BMX: variants seen among roughly 807,000 people sequenced by gnomAD.
The protein encoded by BMX is cytoplasmic tyrosine-protein kinase BMX.
BMX carries 31 observed loss-of-function variants against 59.2 expected under a neutral mutation model. That is an observed-to-expected ratio of 0.52 (90% confidence interval 0.39 to 0.71). The LOEUF (loss-of-function observed/expected upper bound fraction) is 0.71, where lower values mean the gene tolerates loss of function less well. Ranked by LOEUF, BMX falls within the 30% of genes least tolerant of loss-of-function variation. The probability of loss-of-function intolerance (pLI) is 0.00; values close to 1 mark genes in which losing one functional copy is unlikely to be tolerated. For missense variants in BMX, 474 were observed against 491.7 expected (o/e 0.96, Z 0.34); for synonymous variants, 185 against 181.0 (o/e 1.02, Z -0.18).
At position 15,537,852 on chromosome X, in the gene BMX, T is replaced by A. The variant is rs759038198; in HGVS notation, c.1394+547T>A. Among the ~76,000 whole-genome samples, 172 of 111,167 alleles carry A rather than the reference T, an allele frequency of 1.5e-3. 1 individual carries two copies. Among genetic ancestry groups the A allele is most frequent in the African/African-American group, 5.4e-3 (165 of 30,592 alleles). On this transcript the variant is annotated intron_variant, in intron 14 of 18. Transcript: ENST00000348343. ...GGGTGATTTCAGAGTCCTGGTGCTCTAAGGGTGGCAGAGAAAGGGACATAT... is the reference window on the plus strand; with the variant it reads ...GGGTGATTTCAGAGTCCTGGTGCTCAAAGGGTGGCAGAGAAAGGGACATAT...
rs1034065641 is a variant in BMX, at chrX:15,546,828, A to C, written c.1702A>C (p.Ser568Arg). The C allele has an allele frequency of 5.0e-6, 6 of 1,210,325 alleles. No homozygotes were observed. The highest frequency in any genetic ancestry group is 6.7e-6 in the Non-Finnish European group (6 of 894,458). The change falls in exon 17 of 19, where the codon AGT becomes CGT. Residue 568 changes from serine (S) to arginine (R), a missense_variant. Transcript: ENST00000348343. The part of the protein sequence containing the change: ...TRYVLDDQYV[S>R]SVGTKFPVKW... ...GTATGTTCTTGATGACCAGTATGTC[A>C]GTTCAGTCGGAACAAAGTTTCCAGT...
chrX:15,507,326 G>A, intron 1 of BMX: 1 of 754,484 alleles, frequency 1.3e-6, no homozygotes, highest in Non-Finnish European at 1.6e-6. Flanking sequence ...GAGTGATGGT[G>A]CCTCAAAGCA....
At chrX:15,553,216 A>T (rs1188685907) in intron 18 of BMX, among the ~76,000 whole-genome samples, 1 of 112,319 alleles carries the variant, frequency 8.9e-6, no homozygotes, top group Non-Finnish European at 1.9e-5. Flanking sequence ...GGATTGGCAT[A>T]TGTGTTCACA....
At chrX:15,554,952 T>C (rs1926357661) in intron 18 of BMX, among the ~76,000 whole-genome samples, 3 of 111,360 alleles carry the variant, frequency 2.7e-5, no homozygotes, top group African/African-American at 9.8e-5. Flanking sequence ...ACCACACTGC[T>C]CTGATTCTGT....
rs745948090 is a variant in BMX, at chrX:15,538,803, T to C, written c.1394+1498T>C. 8.1e-5 allele frequency among the ~76,000 whole-genome samples: 9 copies of C among 111,793 alleles called. 1 individual carries two copies. In the South Asian group the frequency reaches 3.4e-3, roughly 42 times the overall value. The stretch of plus-strand genomic sequence containing the variant: ...AAAGTCAGAACAATCACTTTTACCA[T>C]AATTGCAAAATTATTTGGAAGCAGA... On this transcript the variant is annotated intron_variant, in intron 14 of 18. Coordinates refer to ENST00000348343, the MANE Select transcript of BMX (RefSeq NM_203281.3).
intron 1 of BMX, among the ~76,000 whole-genome samples, chrX:15,501,971 T>G (rs1459579524): frequency 2.7e-5 from 3 of 111,708 alleles, no homozygotes; most frequent in Admixed American, 9.5e-5. Flanking sequence ...TAAGGATCAT[T>G]ATTATTTCAC....
Position 15,531,395 on chromosome X carries a change from G to A in BMX, c.1007G>A (p.Ser336Asn). ...QVGMYTVSLF[S>N]KAVNDKKGTV... The stretch of plus-strand genomic sequence containing the variant: ...GGAATGTACACAGTGTCCTTATTTA[G>A]TAAGGCTGTGAAGTAAGTATGATAC... The change falls in exon 11 of 19, where the codon AGT becomes AAT. Residue 336 changes from serine (S) to asparagine (N), a missense_variant. Coordinates refer to ENST00000348343, the MANE Select transcript of BMX (RefSeq NM_203281.3). The A allele has an allele frequency of 8.3e-7, 1 of 1,199,229 alleles. No homozygotes were observed. The highest frequency in any genetic ancestry group is 1.1e-6 in the Non-Finnish European group (1 of 884,830).
chrX:15,511,272 T>A (rs1430760010), intron 3 of BMX, among the ~76,000 whole-genome samples, 165 bp from the exon 4 acceptor site: 2 of 112,083 alleles, frequency 1.8e-5, no homozygotes, highest in Non-Finnish European at 3.8e-5. Context: ...AACAAATTGA[T>A]AACTGGAGGA....
At chrX:15,531,009 T>C (rs1484187818) in intron 10 of BMX, among the ~76,000 whole-genome samples, 1 of 111,560 alleles carries the variant, frequency 9.0e-6, no homozygotes, top group Admixed American at 9.5e-5. Flanking sequence ...TCTTTGGTTT[T>C]CTAAAACCTT....
intron 12 of BMX, among the ~76,000 whole-genome samples, chrX:15,535,018 T>G (rs1925266646): frequency 8.9e-6 from 1 of 111,836 alleles, no homozygotes; most frequent in South Asian, 3.7e-4. Context: ...TCTGCATGCA[T>G]AGCTCTGTCC....
In BMX at chrX:15,530,010, CA is replaced by C; in HGVS notation, c.923del (p.Gln308ArgfsTer32). 1.7e-6 allele frequency: 2 copies of C among 1,208,291 alleles called. No homozygotes were observed. The highest frequency in any genetic ancestry group is 2.2e-6 in the Non-Finnish European group (2 of 892,993). The stretch of plus-strand genomic sequence containing the variant: ...TAACATCTCCAGATCACAATCTGAA[CA>C]GTTACTCAGACAAAAGGTAAATAGT... ...AGNISRSQSE[Q>X]LLRQKGKEGA... is the part of the protein sequence containing the mutation. On this transcript the variant is annotated frameshift_variant, in exon 10 of 19. Coordinates refer to ENST00000348343, the MANE Select transcript of BMX (RefSeq NM_203281.3). LOFTEE classifies it high-confidence loss of function.
chrX:15,549,831 G>A lies in BMX; in HGVS notation c.1796-9G>A, dbSNP rs199628215. The stretch of plus-strand genomic sequence containing the variant: ...TTTTTTATCTGGGCCACCTCTTGGT[G>A]TGGTGCAGGGATCCTGATGTGGGAG... On this transcript the variant is annotated splice_polypyrimidine_tract_variant and intron_variant, in intron 17 of 18. Transcript: ENST00000348343. The A allele has an allele frequency of 8.4e-7, 1 of 1,196,408 alleles. No homozygotes were observed. The highest frequency in any genetic ancestry group is 1.1e-6 in the Non-Finnish European group (1 of 886,680).
At chrX:15,523,280 C>T (rs1226714949) in intron 7 of BMX, among the ~76,000 whole-genome samples, 8 of 112,038 alleles carry the variant, frequency 7.1e-5, no homozygotes, top group African/African-American at 2.6e-4. Flanking sequence ...CATCTTCTCA[C>T]TCAGTTATCA....
At chrX:15,541,523 G>A (rs1222698364) in intron 14 of BMX, among the ~76,000 whole-genome samples, 2 of 111,676 alleles carry the variant, frequency 1.8e-5, no homozygotes, top group Non-Finnish European at 3.8e-5. Flanking sequence ...AACCTCATCT[G>A]ACTTCATTTA....
chrX:15,547,990 T>TAA (rs2147142740), intron 17 of BMX, among the ~76,000 whole-genome samples: 1 of 111,792 alleles, frequency 8.9e-6, no homozygotes, highest in East Asian at 2.8e-4. Context: ...TTTATTTCTC[T>TAA]ATGTGACACA....
intron 1 of BMX, among the ~76,000 whole-genome samples, chrX:15,503,872 T>C (rs901814673): frequency 8.9e-6 from 1 of 112,074 alleles, no homozygotes; most frequent in African/African-American, 3.2e-5. Context: ...CAACTTACTC[T>C]ATAGGGTGAA....
chrX:15,542,102 A>T lies in BMX; in HGVS notation c.1515A>T (p.Gly505=), dbSNP rs1360212497. 8.3e-7 allele frequency: 1 copy of T among 1,211,733 alleles called. No individual in the cohort carries two copies. Among genetic ancestry groups the T allele is most frequent in the Non-Finnish European group, 1.1e-6 (1 of 895,279 alleles). Residue 505 remains glycine, a synonymous_variant, in exon 15 of 19, where the codon GGA becomes GGT. Coordinates refer to ENST00000348343, the MANE Select transcript of BMX (RefSeq NM_203281.3). ...GCLLNYLRSH[G]KGLEPSQLLE... ...TGCTGAATTACCTGAGGAGTCACGG[A>T]AAAGGACTTGAACCTTCCCAGCTCT...
At chrX:15,502,304 T>G (rs1923597625) in intron 1 of BMX, among the ~76,000 whole-genome samples, 1 of 111,816 alleles carries the variant, frequency 8.9e-6, no homozygotes, top group Admixed American at 9.5e-5. Flanking sequence ...TGCTAGCTCA[T>G]GGATTTATTA....
chrX:15,523,307 G>A (rs757002556), intron 7 of BMX, among the ~76,000 whole-genome samples: 15 of 112,084 alleles, frequency 1.3e-4, no homozygotes, highest in East Asian at 2.8e-4. Context: ...CTGCAGGGAA[G>A]TCATGTCTGC....
Sources: allele counts gnomAD v4.1 joint callset (sites outside exome capture counted in the v4.1 genomes callset), GRCh38; gene constraint gnomAD v4.1.1; transcripts MANE v1.5; gene names NCBI Gene and HGNC (gene_info 2026-07-23, HGNC 2026-07-21).